The following EZH1 variants were observed in gnomAD, a reference collection of about 807,000 sequenced individuals.
EZH1 encodes histone-lysine N-methyltransferase EZH1.
EZH1 carries 33 observed loss-of-function variants against 100.5 expected under a neutral mutation model. The ratio of observed to expected loss-of-function variants is 0.33; its 90% confidence interval spans 0.25 to 0.44. EZH1 has a LOEUF of 0.44. Among genes scored for constraint, EZH1 ranks in the 20% least tolerant of loss-of-function variants. The pLI, the probability that EZH1 is intolerant of heterozygous loss-of-function variation, is 1.00. For synonymous variants in EZH1, 272 were observed against 313.8 expected (o/e 0.87, Z 1.41); for missense variants, 475 against 928.4 (o/e 0.51, Z 6.35).
chr17:42,733,167 G>C (rs2053987809), intron 1 of EZH1, among the ~76,000 whole-genome samples: 1 of 151,678 alleles, frequency 6.6e-6, no homozygotes, highest in African/African-American at 2.4e-5. Flanking sequence ...GAGAAACCCC[G>C]TCTCTACTAA....
chr17:42,727,736 C>A lies in EZH1; in HGVS notation c.145G>T (p.Val49Phe), dbSNP rs749985288. Residue 49 changes from valine to phenylalanine, a missense_variant, in exon 4 of 21, where the codon GTT becomes TTT. Transcript: ENST00000428826. Reference sequence around the variant, plus strand: ...TTGAGGATCTGGGTTTTTTCTTGAACCTTTGCAAAATTTGCCACATACAAA... The same window carrying A: ...TTGAGGATCTGGGTTTTTTCTTGAAACTTTGCAAAATTTGCCACATACAAA... ...KALYVANFAK[V>F]QEKTQILNEE... 3 of 1,604,686 alleles carry A rather than the reference C, an allele frequency of 1.9e-6. No homozygotes were observed. Among genetic ancestry groups the A allele is most frequent in the Non-Finnish European group, 8.5e-7 (1 of 1,176,974 alleles).
intron 4 of EZH1, among the ~76,000 whole-genome samples, chr17:42,725,569 C>T (rs961513790): frequency 2.0e-5 from 3 of 152,086 alleles, no homozygotes; most frequent in African/African-American, 7.2e-5. Context: ...GTGTGAGCCA[C>T]TATGCCCAGC....
Position 42,718,743 on chromosome 17 carries a change from G to A in EZH1, c.768-126C>T. On this transcript the variant is annotated intron_variant, in intron 8 of 20. Transcript: ENST00000428826. This position sits in a 1 kb window ranked among gnomAD's most constrained non-coding sequence, Gnocchi z 4.2. The stretch of plus-strand genomic sequence containing the variant: ...GAGGATGGGTGTTTTTTATAGGTCT[G>A]GTTGATAAGAGAATGGTAGATAACT... 2 of 909,992 alleles carry A rather than the reference G, an allele frequency of 2.2e-6. No homozygotes were observed. Among genetic ancestry groups the A allele is most frequent in the South Asian group, 3.3e-5 (2 of 60,796 alleles). 56.4% of individuals were successfully genotyped at this position (909,992 alleles called of 1,614,324 possible).
intron 10 of EZH1, chr17:42,714,204 G>A (rs987698153): frequency 1.2e-4 from 19 of 153,426 alleles, no homozygotes; most frequent in African/African-American, 4.6e-4. Flanking sequence ...CATCAGACTT[G>A]GTTTTCAAAG....
Position 42,727,656 on chromosome 17 carries a change from A to T in EZH1, c.225T>A (p.Ser75Arg), listed in dbSNP as rs200504064. 1.5e-4 allele frequency: 250 copies of T among 1,612,918 alleles called. No homozygotes were observed. The highest frequency in any genetic ancestry group is 6.8e-6 in the Non-Finnish European group (8 of 1,179,516). The change falls in exon 4 of 21, where the codon AGT becomes AGA. Residue 75 changes from serine to arginine, a missense_variant. Ser to Arg is a moderately radical substitution (Grantham distance 110, BLOSUM62 -1). Coordinates refer to ENST00000428826, the MANE Select transcript of EZH1 (RefSeq NM_001991.5). Reference protein sequence around the residue: ...VQPVQSMKPVSGHPFLKKCTI... With the variant: ...VQPVQSMKPVRGHPFLKKCTI... ...GTACCTTTTTGAGAAAAGGGTGTCC[A>T]CTCACAGGCTTCATTGACTGAACAG...
In EZH1 at chr17:42,718,016, A is replaced by G. The variant is rs1273862752; in HGVS notation, c.983T>C (p.Ile328Thr). 6.2e-7 allele frequency: 1 copy of G among 1,614,232 alleles called. No homozygotes were observed. The highest frequency in any genetic ancestry group is 1.7e-5 in the Admixed American group (1 of 60,024). The change falls in exon 10 of 21, where the codon ATT (isoleucine) becomes ACT (threonine). Residue 328 changes from isoleucine to threonine, a missense_variant. Ile to Thr is a moderately conservative substitution (Grantham distance 89). Around this residue, in one of 8 missense-constraint regions of EZH1, gnomAD observed 180 missense variants for 295.3 expected, o/e 0.61. Transcript: ENST00000428826. The surrounding 1 kb of genome is among the most constrained non-coding windows in gnomAD (Gnocchi z 4.2). Reference protein sequence around the residue: ...VYKRKNKEIKIEPEPCGTDCF... With the variant: ...VYKRKNKEIKTEPEPCGTDCF... ...GTCTGTGCCACATGGTTCTGGTTCAATCTTGATTTCTTTATTCTTGCGTTT... is the reference window on the plus strand; with the variant it reads ...GTCTGTGCCACATGGTTCTGGTTCAGTCTTGATTTCTTTATTCTTGCGTTT...
At chr17:42,741,529 A>C (rs898260767) in intron 1 of EZH1, among the ~76,000 whole-genome samples, 2 of 152,202 alleles carry the variant, frequency 1.3e-5, no homozygotes, top group Non-Finnish European at 2.9e-5. Flanking sequence ...AAACTTTTTA[A>C]ACTTAATCTA....
chr17:42,703,830 G>A lies in EZH1; in HGVS notation c.2018-10C>T. ...GCATCCACTACAAAATCTGTATAAA[G>A]TAAATCAAGGAAAACCATAAGCACA... On this transcript the variant is annotated splice_polypyrimidine_tract_variant and intron_variant, in intron 18 of 20. Coordinates refer to ENST00000428826, the MANE Select transcript of EZH1 (RefSeq NM_001991.5). 6.2e-7 allele frequency: 1 copy of A among 1,602,960 alleles called. No homozygotes were observed. The highest frequency in any genetic ancestry group is 1.1e-5 in the South Asian group (1 of 90,528).
rs527836295 is a variant in EZH1, at chr17:42,742,184, C to T, written c.-103+2827G>A. Reference sequence around the variant, plus strand: ...AAGACAGAGTCTCACTCTTTCGTGCCCAGGCTGGAGTGCAGTGGTGCAATC... The same window carrying T: ...AAGACAGAGTCTCACTCTTTCGTGCTCAGGCTGGAGTGCAGTGGTGCAATC... On this transcript the variant is annotated intron_variant, in intron 1 of 20. Transcript: ENST00000428826. Among the ~76,000 whole-genome samples the T allele has an allele frequency of 1.4e-3, 212 of 151,394 alleles. 2 individuals are homozygous for T. Among genetic ancestry groups the T allele is most frequent in the South Asian group, 3.1e-3 (15 of 4,780 alleles).
intron 17 of EZH1, among the ~76,000 whole-genome samples, 177 bp downstream of exon 17, chr17:42,704,911 A>G (rs1256246624): frequency 6.6e-6 from 1 of 152,226 alleles, no homozygotes; most frequent in Non-Finnish European, 1.5e-5. Context: ...GAGTTGCCAA[A>G]GAGTTGAACA....
intron 14 of EZH1, 200 bp from the exon 15 acceptor site, chr17:42,708,283 TG>T (rs2053402519): frequency 1.8e-6 from 1 of 548,982 alleles, no homozygotes. Context: ...GGGGAGGGTG[TG>T]GAGATGGTCT....
chr17:42,739,444 C>A (rs1422999097), intron 1 of EZH1, among the ~76,000 whole-genome samples: 5 of 152,182 alleles, frequency 3.3e-5, no homozygotes, highest in Non-Finnish European at 7.4e-5. Flanking sequence ...TTAAGAGAAT[C>A]AGATCAGCTG....
At chr17:42,744,770 G>A (rs1042389685) in intron 1 of EZH1, among the ~76,000 whole-genome samples, 1 of 96,346 alleles carries the variant, frequency 1.0e-5, no homozygotes, top group East Asian at 3.1e-4. Flanking sequence ...TCCTCCTCCC[G>A]GGCACACAGC....
intron 1 of EZH1, among the ~76,000 whole-genome samples, chr17:42,737,714 C>T (rs929508719): frequency 6.6e-6 from 1 of 151,986 alleles, no homozygotes; most frequent in African/African-American, 2.4e-5. Flanking sequence ...ATTGGAAATA[C>T]GAACCACTTT....
Position 42,718,280 on chromosome 17 carries a change from C to T in EZH1, c.931+174G>A. The T allele has an allele frequency of 1.1e-6, 1 of 924,928 alleles. No individual in the cohort carries two copies. The highest frequency in any genetic ancestry group is 1.6e-6 in the Non-Finnish European group (1 of 624,334). The allele number at this position is 924,928 out of a possible 1,614,324, so 57.3% of individuals were successfully genotyped here. A position where few individuals can be genotyped will look rare whatever the true frequency, so the allele number is the denominator to read the frequency against. On this transcript the variant is annotated intron_variant, in intron 9 of 20. Coordinates refer to ENST00000428826, the MANE Select transcript of EZH1 (RefSeq NM_001991.5). The surrounding 1 kb of genome is among the most constrained non-coding windows in gnomAD (Gnocchi z 4.2). ...AGATAAGTTGCTAGTTAGTCTGTCC[C>T]TATCATGCAAAGCATGTTGCACTAT...
In EZH1 at chr17:42,713,399, A is replaced by C. The variant is rs776236696; in HGVS notation, c.1024-10T>G. 6.3e-7 allele frequency: 1 copy of C among 1,585,704 alleles called. No individual in the cohort carries two copies. The highest frequency in any genetic ancestry group is 8.6e-7 in the Non-Finnish European group (1 of 1,158,764). ...ACTCCTTTGCTCCTTCCTGCAGTGG[A>C]CACATTACAGACAGGAAATAGGAAC... On this transcript the variant is annotated splice_polypyrimidine_tract_variant and intron_variant, in intron 10 of 20. Transcript: ENST00000428826.
intron 12 of EZH1, among the ~76,000 whole-genome samples, chr17:42,710,625 G>GTTTTT (rs1347789208): frequency 1.1e-4 from 13 of 121,166 alleles, no homozygotes; most frequent in Non-Finnish European, 1.5e-4. Context: ...TTCTGTTTTT[G>GTTTTT]TTTGTTTTTT....
chr17:42,702,613 G>A (rs1315694125), intron 20 of EZH1, 21 bp from the exon 21 acceptor site: 2 of 1,560,236 alleles, frequency 1.3e-6, no homozygotes, highest in African/African-American at 1.4e-5. Context: ...GCAGGGAAGA[G>A]GAACCAGGTT....
At chr17:42,735,203 T>C (rs576459329) in intron 1 of EZH1, among the ~76,000 whole-genome samples, 275 of 151,960 alleles carry the variant, frequency 1.8e-3, no homozygotes, top group African/African-American at 6.4e-3. Flanking sequence ...GGCGGGTGGA[T>C]CACTTGAGGC....
Sources: allele counts gnomAD v4.1 joint callset (sites outside exome capture counted in the v4.1 genomes callset), GRCh38; gene constraint gnomAD v4.1.1; regional missense constraint gnomAD v4.1.1; non-coding constraint Gnocchi (gnomAD v3.1); transcripts MANE v1.5; gene names NCBI Gene and HGNC (gene_info 2026-07-23, HGNC 2026-07-21).